Variants in TARBP1 observed in about 807,000 individuals in gnomAD.
TARBP1 encodes the protein tRNA guanosine 2 -O-methyltransferase TARBP1.
In TARBP1, 144 loss-of-function variants were observed where a neutral mutation model predicts 178.6. That is an observed-to-expected ratio of 0.81 (90% CI 0.70 to 0.93). TARBP1 has a LOEUF of 0.93. TARBP1 is among the 40% of genes least tolerant of loss of function. The probability of loss-of-function intolerance (pLI) is 0.00; values close to 1 mark genes in which losing one functional copy is unlikely to be tolerated. For missense variants in TARBP1, 2,067 were observed against 2,011.7 expected, an observed-to-expected ratio of 1.03 and a Z score of -0.53; for synonymous variants, 787 against 781.0, an observed-to-expected ratio of 1.01 and a Z score of -0.13.
Position 234,444,694 on chromosome 1 carries a change from T to TA in TARBP1, c.2134+2108dup, listed in dbSNP as rs5781785. The stretch of plus-strand genomic sequence containing the variant: ...ACCCTCACTCTATCTCCTCTTTCCT[T>TA]AAAAAAAAAACAGAATAAATTAGAA... On this transcript the variant is annotated intron_variant, in intron 12 of 29. Coordinates refer to ENST00000040877, the MANE Select transcript of TARBP1 (RefSeq NM_005646.4). Among the ~76,000 whole-genome samples the TA allele has an allele frequency of 3.3e-3, 493 of 148,812 alleles. 3 individuals are homozygous for TA. The highest frequency in any genetic ancestry group is 5.4e-3 in the Non-Finnish European group (360 of 66,902).
At chr1:234,472,460 C>G (rs1035278431) in intron 2 of TARBP1, among the ~76,000 whole-genome samples, 9 of 149,528 alleles carry the variant, frequency 6.0e-5, no homozygotes, top group South Asian at 2.2e-4. Context: ...GATACTGATA[C>G]TGATAAACGT....
At chr1:234,432,066 G>T in intron 14 of TARBP1, among the ~76,000 whole-genome samples, 1 of 151,040 alleles carries the variant, frequency 6.6e-6, no homozygotes, top group Admixed American at 6.6e-5. Flanking sequence ...GAACCTGGGG[G>T]GCCAAGGTTG....
At position 234,479,147 on chromosome 1, in the gene TARBP1, C is replaced by T. The variant is rs776283040; in HGVS notation, c.-44G>A. ...ACCGGCCCGGGCTCCCAAAGGAAGG[C>T]GCCGGCGTGTGCGATGCGTGCGCAC... On this transcript the variant is annotated 5_prime_UTR_variant, in exon 1 of 30. Coordinates refer to ENST00000040877, the MANE Select transcript of TARBP1 (RefSeq NM_005646.4). 1.6e-5 allele frequency: 24 copies of T among 1,471,066 alleles called. No individual in the cohort carries two copies. Among genetic ancestry groups the T allele is most frequent in the South Asian group, 6.7e-5 (5 of 74,370 alleles). 91.1% of individuals were successfully genotyped at this position (1,471,066 alleles called of 1,614,324 possible).
At chr1:234,394,095 G>T (rs185052701) in intron 26 of TARBP1, among the ~76,000 whole-genome samples, 11 of 152,028 alleles carry the variant, frequency 7.2e-5, no homozygotes, top group African/African-American at 2.7e-4. Flanking sequence ...TGAGATACAC[G>T]TTTTTTCACG....
chr1:234,451,748 C>CAAAA lies in TARBP1; in HGVS notation c.1723-1186_1723-1183dup, dbSNP rs766485621. 3.0e-4 allele frequency among the ~76,000 whole-genome samples: 2 copies of CAAAA among 6,620 alleles called. 1 individual carries two copies. The highest frequency in any genetic ancestry group is 4.4e-4 in the Non-Finnish European group (2 of 4,516). The allele number at this position is 6,620 out of a possible 152,430, so 4.3% of individuals were successfully genotyped here. A position where few individuals can be genotyped will look rare whatever the true frequency, so the allele number is the denominator to read the frequency against. ...TGGGCGACAGAGCGAGACTCCGTCT[C>CAAAA]AAAAAAAAAAAAAAAAAATGATGAA... is the stretch of plus-strand genomic sequence containing the variant. On this transcript the variant is annotated intron_variant, in intron 9 of 29. Transcript: ENST00000040877.
intron 7 of TARBP1, among the ~76,000 whole-genome samples, 179 bp from the exon 8 acceptor site, chr1:234,459,505 A>G (rs944717241): frequency 3.3e-5 from 5 of 152,204 alleles, no homozygotes; most frequent in African/African-American, 1.2e-4. Flanking sequence ...CTATGAAACA[A>G]GTCTCTTTTA....
At chr1:234,432,575 C>A (rs1664568416) in intron 14 of TARBP1, among the ~76,000 whole-genome samples, 1 of 152,124 alleles carries the variant, frequency 6.6e-6, no homozygotes. Flanking sequence ...TCGAAGAAGA[C>A]CTCTAAGAGA....
At chr1:234,398,161 C>CTTT (rs35248474) in intron 26 of TARBP1, 17 of 259,622 alleles carry the variant, frequency 6.5e-5, no homozygotes, top group South Asian at 1.2e-4. Context: ...CTTCCTTTGG[C>CTTT]TTTTTTTTTT....
intron 1 of TARBP1, among the ~76,000 whole-genome samples, chr1:234,475,964 T>C (rs1669531087): frequency 1.1e-4 from 16 of 151,802 alleles, no homozygotes; most frequent in Admixed American, 1.0e-3. Context: ...TGCCACAAAG[T>C]AACGGTGCCT....
chr1:234,428,381 G>C (rs1014587156), intron 17 of TARBP1, among the ~76,000 whole-genome samples: 1 of 152,062 alleles, frequency 6.6e-6, no homozygotes, highest in African/African-American at 2.4e-5. Context: ...AATGACAAAT[G>C]GCGCCTGACA....
intron 6 of TARBP1, among the ~76,000 whole-genome samples, chr1:234,463,312 CAG>C (rs778446285): frequency 2.0e-5 from 3 of 152,066 alleles, no homozygotes; most frequent in Non-Finnish European, 4.4e-5. Context: ...TTAGTGGAGA[CAG>C]AGTTTCGCTG....
chr1:234,471,372 A>G, intron 2 of TARBP1, 115 bp from the exon 3 acceptor site: 1 of 688,464 alleles, frequency 1.5e-6, no homozygotes, highest in Non-Finnish European at 2.5e-6. Context: ...ACATATGTAG[A>G]AAGAGCCTGA....
rs1669800479 is a variant in TARBP1, at chr1:234,478,523, C to T, written c.581G>A (p.Arg194Gln). 1 of 1,376,440 alleles carries T rather than the reference C, an allele frequency of 7.3e-7. No individual in the cohort carries two copies. The highest frequency in any genetic ancestry group is 9.4e-7 in the Non-Finnish European group (1 of 1,061,690). 85.3% of individuals were successfully genotyped at this position (1,376,440 alleles called of 1,614,324 possible). Residue 194 changes from arginine (R) to glutamine (Q), a missense_variant, in exon 1 of 30, where the codon CGA becomes CAA. By Grantham distance (43) the Arg-to-Gln change is conservative. Coordinates refer to ENST00000040877, the MANE Select transcript of TARBP1 (RefSeq NM_005646.4). Reference protein sequence around the residue: ...AEDAAALVAGRLLPVLVQCGG... With the variant: ...AEDAAALVAGQLLPVLVQCGG... ...ACATTGGACCAGCACTGGCAGCAGTCGCCCGGCCACCAGCGCCGCCGCGTC... is the reference window on the plus strand; with the variant it reads ...ACATTGGACCAGCACTGGCAGCAGTTGCCCGGCCACCAGCGCCGCCGCGTC...
At chr1:234,452,447 A>G (rs1204664875) in intron 9 of TARBP1, among the ~76,000 whole-genome samples, 5 of 152,346 alleles carry the variant, frequency 3.3e-5, no homozygotes, top group African/African-American at 1.2e-4. Flanking sequence ...AGACATACAG[A>G]TGGTAAATAG....
intron 3 of TARBP1, among the ~76,000 whole-genome samples, chr1:234,468,948 A>C (rs887560792): frequency 1.3e-4 from 20 of 151,426 alleles, no homozygotes; most frequent in Admixed American, 1.2e-3. Context: ...TCTTACAATC[A>C]AAACTATTTT....
At chr1:234,393,323 T>C (rs761458103) in intron 28 of TARBP1, 39 bp downstream of exon 28, 7 of 1,427,226 alleles carry the variant, frequency 4.9e-6, no homozygotes, top group Non-Finnish European at 6.5e-6. Flanking sequence ...TGTGCGGGCT[T>C]GTTTTAAGAA....
chr1:234,424,177 G>A (rs1217240893), intron 20 of TARBP1, among the ~76,000 whole-genome samples: 1 of 152,174 alleles, frequency 6.6e-6, no homozygotes, highest in Non-Finnish European at 1.5e-5. Context: ...GAGTTCTGTA[G>A]TCATTCATAC....
chr1:234,432,350 G>C (rs2103138543), intron 14 of TARBP1, among the ~76,000 whole-genome samples: 1 of 152,226 alleles, frequency 6.6e-6, no homozygotes, highest in East Asian at 1.9e-4. Flanking sequence ...GTTGAGATAG[G>C]AGAACTGCTT....
chr1:234,414,975 CTCTG>C (rs1386292394), intron 22 of TARBP1, among the ~76,000 whole-genome samples: 2 of 152,010 alleles, frequency 1.3e-5, no homozygotes, highest in African/African-American at 4.8e-5. Context: ...CAGAGCGAGA[CTCTG>C]TCTCAAAAAA....
Sources: allele counts gnomAD v4.1 joint callset (sites outside exome capture counted in the v4.1 genomes callset), GRCh38; gene constraint gnomAD v4.1.1; transcripts MANE v1.5; gene names NCBI Gene and HGNC (gene_info 2026-07-23, HGNC 2026-07-21).